The following SYNPR variants were observed in gnomAD, a reference collection of about 807,000 sequenced individuals.
SYNPR encodes synaptoporin.
Under a neutral mutation model 32.9 loss-of-function variants are expected in SYNPR, and 23 were observed. The observed-to-expected ratio is 0.70, with a 90% CI of 0.50 to 0.99. SYNPR has a LOEUF of 0.99. Ranked by LOEUF, SYNPR falls within the 50% of genes least tolerant of loss-of-function variation. SYNPR has a pLI of 0.00. For missense variants in SYNPR, 318 were observed against 349.3 expected (o/e 0.91, Z 0.71); for synonymous variants, 146 against 135.9 (o/e 1.07, Z -0.52).
At chr3:63,203,051 C>CATAT in the SYNPR span, among the ~76,000 whole-genome samples, 3 of 98,780 alleles carry the variant, frequency 3.0e-5, no homozygotes, top group African/African-American at 1.3e-4. Context: ...AATATAAATA[C>CATAT]ATATATATAT....
intron 2 of SYNPR, among the ~76,000 whole-genome samples, chr3:63,450,402 A>G (rs1343120645): frequency 6.6e-6 from 1 of 152,190 alleles, no homozygotes. Context: ...AAGCCCCAAG[A>G]GATGAGTTGA....
the SYNPR span, among the ~76,000 whole-genome samples, chr3:63,202,498 C>A: frequency 6.6e-6 from 1 of 151,976 alleles, no homozygotes; most frequent in Admixed American, 6.6e-5. Context: ...CTCAGTGGGC[C>A]GTGAACACAG....
intron 3 of SYNPR, among the ~76,000 whole-genome samples, chr3:63,499,654 T>C (rs557743323): frequency 6.6e-6 from 1 of 152,300 alleles, no homozygotes; most frequent in South Asian, 2.1e-4. Context: ...GCAGGATGCA[T>C]GTCCTGTGAC....
At chr3:63,512,706 G>A (rs1282968209) in intron 3 of SYNPR, among the ~76,000 whole-genome samples, 1 of 152,110 alleles carries the variant, frequency 6.6e-6, no homozygotes, top group Non-Finnish European at 1.5e-5. Flanking sequence ...AGCTGCAAAA[G>A]GCAAGAAAAT....
chr3:63,564,038 C>A (rs1166128080), intron 4 of SYNPR, among the ~76,000 whole-genome samples: 2 of 150,342 alleles, frequency 1.3e-5, no homozygotes, highest in Non-Finnish European at 1.5e-5. Flanking sequence ...AAATGAAGGA[C>A]CTTGTTTTTG....
intron 2 of SYNPR, among the ~76,000 whole-genome samples, chr3:63,330,481 T>A (rs192436408): frequency 6.6e-6 from 1 of 152,114 alleles, no homozygotes; most frequent in Non-Finnish European, 1.5e-5. Flanking sequence ...GAGTCTCACC[T>A]CATGCAGCCA....
At chr3:63,302,423 G>A (rs1242904267) in intron 2 of SYNPR, among the ~76,000 whole-genome samples, 1 of 151,930 alleles carries the variant, frequency 6.6e-6, no homozygotes, top group Non-Finnish European at 1.5e-5. Context: ...TATAGCTTAG[G>A]AACCTGAGTT....
intron 2 of SYNPR, among the ~76,000 whole-genome samples, chr3:63,300,907 G>A (rs1209695459): frequency 6.6e-6 from 1 of 151,950 alleles, no homozygotes; most frequent in Admixed American, 6.6e-5. Context: ...TAGACAATCT[G>A]ATCAAAGATA....
intron 2 of SYNPR, among the ~76,000 whole-genome samples, chr3:63,480,631 T>C (rs1200721549): frequency 6.6e-6 from 1 of 152,168 alleles, no homozygotes; most frequent in Admixed American, 6.5e-5. Flanking sequence ...TTTCTTTCAC[T>C]TGCCAGACAA....
intron 4 of SYNPR, among the ~76,000 whole-genome samples, chr3:63,571,288 A>G: frequency 6.6e-6 from 1 of 152,206 alleles, no homozygotes; most frequent in East Asian, 1.9e-4. Flanking sequence ...GAAATTAAAA[A>G]TAGTATACCT....
At chr3:63,504,259 C>A (rs1025907339) in intron 3 of SYNPR, among the ~76,000 whole-genome samples, 3 of 152,212 alleles carry the variant, frequency 2.0e-5, no homozygotes, top group Admixed American at 1.3e-4. Context: ...AGAGTCAACA[C>A]GAACTGCTTT....
intron 3 of SYNPR, among the ~76,000 whole-genome samples, chr3:63,511,628 T>C (rs1329077021): frequency 6.6e-6 from 1 of 152,070 alleles, no homozygotes; most frequent in Non-Finnish European, 1.5e-5. Context: ...AGCCAGTAAG[T>C]TCTTTGTCTC....
intron 4 of SYNPR, among the ~76,000 whole-genome samples, chr3:63,563,129 C>T (rs1702720148): frequency 6.6e-6 from 1 of 152,144 alleles, no homozygotes; most frequent in Non-Finnish European, 1.5e-5. Flanking sequence ...CTGCTGCTTT[C>T]ACAGTTCTGT....
chr3:63,471,038 G>T (rs1700785598), intron 2 of SYNPR, among the ~76,000 whole-genome samples: 1 of 152,152 alleles, frequency 6.6e-6, no homozygotes, highest in Admixed American at 6.5e-5. Context: ...AAGTAACTTG[G>T]AGTTTTCCTT....
chr3:63,418,078 G>A (rs2088564763), intron 2 of SYNPR, among the ~76,000 whole-genome samples: 1 of 152,096 alleles, frequency 6.6e-6, no homozygotes, highest in Non-Finnish European at 1.5e-5. Context: ...AAACGTTTAT[G>A]CTCTGCTTCC....
At chr3:63,220,105 G>C in the SYNPR span, among the ~76,000 whole-genome samples, 2 of 152,216 alleles carry the variant, frequency 1.3e-5, no homozygotes, top group Admixed American at 1.3e-4. Flanking sequence ...GCCTGGCACA[G>C]AGCAAGTGCT....
chr3:63,520,603 G>T (rs996626133), intron 3 of SYNPR, among the ~76,000 whole-genome samples: 1 of 152,000 alleles, frequency 6.6e-6, no homozygotes, highest in African/African-American at 2.4e-5. Context: ...AACCCAGGAG[G>T]CGGAGGTTGC....
At chr3:63,467,713 T>A (rs1198879069) in intron 2 of SYNPR, among the ~76,000 whole-genome samples, 1 of 152,238 alleles carries the variant, frequency 6.6e-6, no homozygotes. Flanking sequence ...AACCTGCTCA[T>A]CTGGAATGTC....
chr3:63,296,259 T>G (rs1419440251), intron 2 of SYNPR, among the ~76,000 whole-genome samples: 1 of 149,870 alleles, frequency 6.7e-6, no homozygotes, highest in Non-Finnish European at 1.5e-5. Context: ...TTAGTGCTAA[T>G]AGTATGAAGT....
Sources: gnomAD v4.1 joint callset for allele counts (sites outside exome capture counted in the v4.1 genomes callset) on GRCh38, gnomAD v4.1.1 for gene constraint, MANE v1.5 for transcripts, NCBI Gene and HGNC (gene_info 2026-07-23, HGNC 2026-07-21) for gene names.